Variants in FER observed in about 807,000 individuals in gnomAD.
FER encodes tyrosine-protein kinase Fer.
Under a neutral mutation model 111.0 loss-of-function variants are expected in FER, and 63 were observed. The observed-to-expected ratio is 0.57, with a 90% CI of 0.46 to 0.70. The LOEUF is 0.70. Ranked by LOEUF, FER falls within the 30% of genes least tolerant of loss-of-function variation. FER has a pLI of 0.00. For missense variants in FER, 914 were observed against 954.0 expected (o/e 0.96, Z 0.55); for synonymous variants, 327 against 313.9 (o/e 1.04, Z -0.44).
At chr5:108,853,078 A>T (rs1035234076) in intron 5 of FER, among the ~76,000 whole-genome samples, 1 of 152,280 alleles carries the variant, frequency 6.6e-6, no homozygotes, top group African/African-American at 2.4e-5. Context: ...CTTCTTTGCA[A>T]TATTAGTTTT....
Position 109,100,447 on chromosome 5 carries a change from A to G in FER, c.1976A>G (p.Lys659Arg), listed in dbSNP as rs142394379. The change falls in exon 17 of 20, where the codon AAA (lysine) becomes AGA (arginine). Residue 659 changes from lysine to arginine, a missense_variant. Physicochemically the swap from Lys to Arg is conservative, Grantham distance 26. This residue lies in a region of FER where 774 missense variants were observed against 782.6 expected (regional missense o/e 0.99). Coordinates refer to ENST00000281092, the MANE Select transcript of FER (RefSeq NM_005246.4). ...LRRKKDELKL[K>R]QLVKFSLDAA... ...AGGAAGAAGGATGAACTAAAACTCAAACAGTTAGTGAAATTTTCATTAGAC... is the reference window on the plus strand; with the variant it reads ...AGGAAGAAGGATGAACTAAAACTCAGACAGTTAGTGAAATTTTCATTAGAC... 187 of 1,611,484 alleles carry G rather than the reference A, an allele frequency of 1.2e-4. No homozygotes were observed. The highest frequency in any genetic ancestry group is 1.4e-4 in the Non-Finnish European group (168 of 1,178,124).
At chr5:109,116,120 CT>C (rs1750199075) in intron 17 of FER, among the ~76,000 whole-genome samples, 1 of 151,966 alleles carries the variant, frequency 6.6e-6, no homozygotes, top group South Asian at 2.1e-4. Flanking sequence ...TGCTGGGGGC[CT>C]TTTCTGAGTT....
intron 17 of FER, among the ~76,000 whole-genome samples, chr5:109,126,665 C>T (rs1489014659): frequency 2.0e-5 from 3 of 152,054 alleles, no homozygotes; most frequent in Admixed American, 1.3e-4. Flanking sequence ...TAGCAGATAC[C>T]GGATTGTTTA....
At chr5:109,083,760 G>T (rs1455989891) in intron 16 of FER, among the ~76,000 whole-genome samples, 1 of 151,952 alleles carries the variant, frequency 6.6e-6, no homozygotes, top group Non-Finnish European at 1.5e-5. Flanking sequence ...ATGCCTCCCT[G>T]TATGACAGAG....
intron 3 of FER, among the ~76,000 whole-genome samples, chr5:108,819,461 A>G (rs1758618652): frequency 6.6e-6 from 1 of 152,184 alleles, no homozygotes; most frequent in African/African-American, 2.4e-5. Context: ...CTCTTCCATT[A>G]TTTAGGTGTG....
At chr5:108,814,954 G>T (rs1355326865) in intron 3 of FER, among the ~76,000 whole-genome samples, 1 of 151,890 alleles carries the variant, frequency 6.6e-6, no homozygotes, top group Non-Finnish European at 1.5e-5. Flanking sequence ...CCAACTACCT[G>T]GTTTCTATTT....
intron 19 of FER, 45 bp from the exon 20 acceptor site, chr5:109,187,388 C>G: frequency 6.3e-7 from 1 of 1,598,380 alleles, no homozygotes; most frequent in Non-Finnish European, 8.5e-7. Context: ...CATTTTGTGT[C>G]TTACCTCCAT....
intron 13 of FER, among the ~76,000 whole-genome samples, chr5:109,032,546 G>A (rs1769787254): frequency 6.6e-6 from 1 of 152,108 alleles, no homozygotes; most frequent in South Asian, 2.1e-4. Context: ...GGGACAGTCA[G>A]CTACCTCACA....
intron 17 of FER, among the ~76,000 whole-genome samples, chr5:109,162,301 T>G (rs1756077093): frequency 6.6e-6 from 1 of 152,156 alleles, no homozygotes. Flanking sequence ...TATAATCCCA[T>G]AAGACAGTCA....
chr5:109,184,514 T>A (rs1258011838), intron 18 of FER, among the ~76,000 whole-genome samples: 1 of 152,226 alleles, frequency 6.6e-6, no homozygotes, highest in Non-Finnish European at 1.5e-5. Flanking sequence ...AATGTGATCT[T>A]GCTTTATATG....
At chr5:108,865,742 A>G (rs1396848608) in intron 5 of FER, among the ~76,000 whole-genome samples, 1 of 152,220 alleles carries the variant, frequency 6.6e-6, no homozygotes, top group East Asian at 1.9e-4. Flanking sequence ...TTTACAAGAA[A>G]AAAACAAACA....
chr5:109,060,864 C>CTCA (rs761580963), intron 16 of FER, among the ~76,000 whole-genome samples: 75 of 151,426 alleles, frequency 5.0e-4, no homozygotes, highest in Non-Finnish European at 9.9e-4. Flanking sequence ...TGTGTTTGTG[C>CTCA]TCATCATCAT....
At chr5:108,820,875 C>G (rs1001015823) in intron 3 of FER, among the ~76,000 whole-genome samples, 1 of 152,164 alleles carries the variant, frequency 6.6e-6, no homozygotes, top group Non-Finnish European at 1.5e-5. Flanking sequence ...CCTGTAATCC[C>G]AGCACTTTGG....
chr5:108,950,425 G>A (rs1426961091), intron 11 of FER, among the ~76,000 whole-genome samples: 1 of 152,082 alleles, frequency 6.6e-6, no homozygotes, highest in Non-Finnish European at 1.5e-5. Context: ...AATATTAGGT[G>A]AAGTATTTTT....
intron 13 of FER, among the ~76,000 whole-genome samples, chr5:108,980,169 G>C (rs932133988): frequency 2.0e-5 from 3 of 152,000 alleles, no homozygotes; most frequent in African/African-American, 7.2e-5. Flanking sequence ...TTCTTTCTGT[G>C]AGTGAGATCA....
At chr5:108,864,955 G>T (rs532123430) in intron 5 of FER, among the ~76,000 whole-genome samples, 188 of 152,042 alleles carry the variant, frequency 1.2e-3, no homozygotes, top group African/African-American at 4.0e-3. Flanking sequence ...GGGCAGTATG[G>T]CCATTTTCAC....
intron 1 of FER, chr5:108,748,853 C>T (rs1289629646): frequency 6.5e-6 from 1 of 152,826 alleles, no homozygotes; most frequent in African/African-American, 2.4e-5. Context: ...GCTGAGGCCT[C>T]GAGGGTGCCC....
chr5:109,111,533 T>TAG (rs1749619793), intron 17 of FER, among the ~76,000 whole-genome samples: 1 of 151,904 alleles, frequency 6.6e-6, no homozygotes, highest in African/African-American at 2.4e-5. Context: ...AACCTTATAA[T>TAG]AAAAAATTCT....
chr5:108,878,423 T>A (rs1279032746), intron 8 of FER, among the ~76,000 whole-genome samples: 1 of 152,172 alleles, frequency 6.6e-6, no homozygotes, highest in Non-Finnish European at 1.5e-5. Context: ...TACATGTGTG[T>A]GAATTGTTTT....
Sources: allele counts gnomAD v4.1 joint callset (sites outside exome capture counted in the v4.1 genomes callset), GRCh38; gene constraint gnomAD v4.1.1; regional missense constraint gnomAD v4.1.1; transcripts MANE v1.5; gene names NCBI Gene and HGNC (gene_info 2026-07-23, HGNC 2026-07-21).